Variants in MDGA2 observed in about 807,000 individuals in gnomAD.
The protein encoded by MDGA2 is MAM domain-containing glycosylphosphatidylinositol anchor protein 2.
A neutral mutation model predicts 117.8 loss-of-function variants in MDGA2; 40 were observed. The ratio of observed to expected loss-of-function variants is 0.34; its 90% CI spans 0.26 to 0.44. The LOEUF (loss-of-function observed/expected upper bound fraction) is 0.44, where lower values mean the gene tolerates loss of function less well. Among genes scored for constraint, MDGA2 ranks in the 20% least tolerant of loss-of-function variants. The pLI, the probability that MDGA2 is intolerant of heterozygous loss-of-function variation, is 1.00. For missense variants in MDGA2, 1,123 were observed against 1,250.6 expected (o/e 0.90, Z 1.54); for synonymous variants, 452 against 439.0 (o/e 1.03, Z -0.37).
intron 10 of MDGA2, among the ~76,000 whole-genome samples, chr14:46,901,031 A>C (rs1189914304): frequency 6.6e-6 from 1 of 152,118 alleles, no homozygotes; most frequent in African/African-American, 2.4e-5. Flanking sequence ...AAGAAAAAAA[A>C]CACTGCTTAT....
At chr14:47,301,850 T>A (rs962092103) in intron 1 of MDGA2, among the ~76,000 whole-genome samples, 1 of 152,196 alleles carries the variant, frequency 6.6e-6, no homozygotes, top group African/African-American at 2.4e-5. Context: ...AGAAGGTCCC[T>A]TCCTTTCTGA....
intron 2 of MDGA2, among the ~76,000 whole-genome samples, chr14:47,274,166 A>G (rs1888236256): frequency 6.6e-6 from 1 of 152,030 alleles, no homozygotes; most frequent in Non-Finnish European, 1.5e-5. Flanking sequence ...CAGATTTTAG[A>G]ACATTTTGGT....
intron 3 of MDGA2, among the ~76,000 whole-genome samples, chr14:47,156,620 C>A (rs571094877): frequency 1.3e-5 from 2 of 152,194 alleles, no homozygotes; most frequent in African/African-American, 4.8e-5. Context: ...ATGTTTTCCA[C>A]AGGAGTTTAT....
In MDGA2 at chr14:47,645,939, G is replaced by A. The variant is rs1897523348; in HGVS notation, c.280+28578C>T. Among the ~76,000 whole-genome samples, 3 of 151,824 alleles carry A rather than the reference G, an allele frequency of 2.0e-5. No individual in the cohort carries two copies. In the South Asian group the frequency reaches 6.2e-4, roughly 32 times the overall value. ...TACAAAAGAAAAAAAAATTAGCCGGGCGTGGTGGCAGGCTCCTGTAGTCCC... is the reference window on the plus strand; with the variant it reads ...TACAAAAGAAAAAAAAATTAGCCGGACGTGGTGGCAGGCTCCTGTAGTCCC... On this transcript the variant is annotated intron_variant, in intron 1 of 16. Coordinates refer to ENST00000399232, the MANE Select transcript of MDGA2 (RefSeq NM_001113498.3).
rs144615382 is a variant in MDGA2 at position 47,572,573 on chromosome 14, T to C, written c.280+101944A>G. ...GGTCAATACTCAGGTTTTTGCAGAGTTGGCTTACAAAGGACCAAATATTTC... is the reference window on the plus strand; with the variant it reads ...GGTCAATACTCAGGTTTTTGCAGAGCTGGCTTACAAAGGACCAAATATTTC... On this transcript the variant is annotated intron_variant, in intron 1 of 16. Coordinates refer to ENST00000399232, the MANE Select transcript of MDGA2 (RefSeq NM_001113498.3). Among the ~76,000 whole-genome samples the C allele has an allele frequency of 8.7e-3, 1,316 of 151,978 alleles. 14 individuals carry two copies. Among genetic ancestry groups the C allele is most frequent in the African/African-American group, 0.03 (1,229 of 41,446 alleles).
At chr14:47,101,344 T>G (rs77260127) in intron 5 of MDGA2, among the ~76,000 whole-genome samples, 2,835 of 152,288 alleles carry the variant, frequency 0.019, 91 homozygotes, top group African/African-American at 0.065. Context: ...GAATTCTTCC[T>G]ATTTCCCCAT....
intron 1 of MDGA2, among the ~76,000 whole-genome samples, chr14:47,307,021 T>C (rs1019817146): frequency 2.6e-5 from 4 of 152,176 alleles, no homozygotes; most frequent in Admixed American, 2.0e-4. Flanking sequence ...TCTTCCCAGC[T>C]TTCTATTGAT....
chr14:46,982,734 A>AAATAATAATAAT (rs1886726133), intron 8 of MDGA2, among the ~76,000 whole-genome samples: 2 of 130,326 alleles, frequency 1.5e-5, no homozygotes, highest in Non-Finnish European at 3.4e-5. Context: ...AAAAAAAAAA[A>AAATAATAATAAT]AATCATGTCA....
chr14:47,503,648 C>T (rs755076027), intron 1 of MDGA2, among the ~76,000 whole-genome samples: 1 of 152,092 alleles, frequency 6.6e-6, no homozygotes, highest in Non-Finnish European at 1.5e-5. Context: ...TCGTGATCTG[C>T]CCGCCTCGGC....
chr14:47,162,867 T>C (rs1594682269), intron 3 of MDGA2, among the ~76,000 whole-genome samples: 1 of 152,250 alleles, frequency 6.6e-6, no homozygotes, highest in Non-Finnish European at 1.5e-5. Flanking sequence ...TAAGAAATTA[T>C]GATTTTCAGT....
intron 1 of MDGA2, among the ~76,000 whole-genome samples, chr14:47,350,787 C>G (rs929227734): frequency 6.6e-6 from 1 of 152,180 alleles, no homozygotes; most frequent in African/African-American, 2.4e-5. Flanking sequence ...ATCCAGGGAG[C>G]ATGAAGAGAT....
chr14:47,201,753 T>C (rs1594718875), intron 3 of MDGA2, among the ~76,000 whole-genome samples: 1 of 152,272 alleles, frequency 6.6e-6, no homozygotes, highest in Middle Eastern at 3.4e-3. Context: ...ACAAAGACAG[T>C]TTTTCCTAAA....
intron 10 of MDGA2, among the ~76,000 whole-genome samples, chr14:46,906,375 G>T (rs1232901509): frequency 6.6e-6 from 1 of 152,044 alleles, no homozygotes; most frequent in African/African-American, 2.4e-5. Flanking sequence ...GGAAGTAATA[G>T]TTGGGACCAG....
chr14:47,390,688 G>A (rs745632450), intron 1 of MDGA2, among the ~76,000 whole-genome samples: 1 of 152,104 alleles, frequency 6.6e-6, no homozygotes, highest in Non-Finnish European at 1.5e-5. Flanking sequence ...CTGTGATGCA[G>A]GTTACATTCC....
intron 1 of MDGA2, among the ~76,000 whole-genome samples, chr14:47,503,439 T>G (rs75971778): frequency 1.3e-5 from 2 of 150,514 alleles, no homozygotes; most frequent in African/African-American, 4.9e-5. Context: ...TTTTTTTTTT[T>G]GGAGATGGAG....
intron 8 of MDGA2, among the ~76,000 whole-genome samples, chr14:46,967,450 T>C (rs1455471123): frequency 6.6e-6 from 1 of 152,032 alleles, no homozygotes. Context: ...AATCTAGGAG[T>C]TAGAGTATTA....
chr14:47,601,348 T>C (rs1365103423), intron 1 of MDGA2, among the ~76,000 whole-genome samples: 1 of 152,152 alleles, frequency 6.6e-6, no homozygotes, highest in African/African-American at 2.4e-5. Context: ...GTGAATACTT[T>C]TGTGACTTTC....
intron 1 of MDGA2, among the ~76,000 whole-genome samples, chr14:47,461,363 C>T (rs921438892): frequency 6.6e-6 from 1 of 151,280 alleles, no homozygotes; most frequent in Non-Finnish European, 1.5e-5. Context: ...CCAGGAAGAA[C>T]ATTTGGTCAA....
rs542561725 is a variant in MDGA2, at chr14:47,270,074, C to A, written c.420+31337G>T. Among the ~76,000 whole-genome samples, 139 of 152,258 alleles carry A rather than the reference C, an allele frequency of 9.1e-4. 1 individual carries two copies. Among genetic ancestry groups the A allele is most frequent in the African/African-American group, 3.3e-3 (136 of 41,546 alleles). ...CATAACAAGCTCTGAGGCTGCACGG[C>A]TGCTGTGGGGTTGATCTCAGAAGTG... On this transcript the variant is annotated intron_variant, in intron 2 of 16. Transcript: ENST00000399232.
Sources: gnomAD v4.1 joint callset for allele counts (sites outside exome capture counted in the v4.1 genomes callset) on GRCh38, gnomAD v4.1.1 for gene constraint, MANE v1.5 for transcripts, NCBI Gene and HGNC (gene_info 2026-07-23, HGNC 2026-07-21) for gene names.